RIMS2: variants seen among roughly 807,000 people sequenced by gnomAD.
RIMS2 encodes regulating synaptic membrane exocytosis 2, also known as regulating synaptic membrane exocytosis protein 2.
RIMS2 carries 59 observed loss-of-function variants against 174.4 expected under a neutral mutation model. That is an observed-to-expected ratio of 0.34 (90% confidence interval 0.27 to 0.42). The LOEUF (loss-of-function observed/expected upper bound fraction) is 0.42. Among genes scored for constraint, RIMS2 ranks in the 10% least tolerant of loss-of-function variants. RIMS2 has a pLI of 1.00. For missense variants in RIMS2, 1,620 were observed against 1,666.3 expected (o/e 0.97, Z 0.48); for synonymous variants, 606 against 572.5 (o/e 1.06, Z -0.84).
At chr8:104,162,278 A>G (rs1031255493) in intron 19 of RIMS2, among the ~76,000 whole-genome samples, 2 of 152,180 alleles carry the variant, frequency 1.3e-5, no homozygotes, top group African/African-American at 2.4e-5. Context: ...CTGGGAGTCA[A>G]TGCAAATAGA....
At chr8:104,029,791 T>C (rs1339769847) in intron 19 of RIMS2, among the ~76,000 whole-genome samples, 1 of 152,212 alleles carries the variant, frequency 6.6e-6, no homozygotes, top group Non-Finnish European at 1.5e-5. Context: ...GAAATAGCTT[T>C]TAAAAATGAT....
Position 103,697,546 on chromosome 8 carries a change from G to GAA in RIMS2, c.387+262_387+263dup, listed in dbSNP as rs35424647. On this transcript the variant is annotated intron_variant, in intron 2 of 23. Coordinates refer to ENST00000504942, the Ensembl canonical transcript of RIMS2. ...CAACATGGTGAAACCCTGTCTCTACGAAAAAAAAAAAAACAAAAAAAACCC... is the reference window on the plus strand; with the variant it reads ...CAACATGGTGAAACCCTGTCTCTACGAAAAAAAAAAAAAAACAAAAAAAACCC... Among the ~76,000 whole-genome samples, 99 of 131,662 alleles carry GAA rather than the reference G, an allele frequency of 7.5e-4. 2 individuals carry two copies. The highest frequency in any genetic ancestry group is 2.5e-3 in the East Asian group (12 of 4,766). 86.4% of individuals were successfully genotyped at this position (131,662 alleles called of 152,430 possible).
chr8:104,166,124 T>C (rs1204874432), intron 19 of RIMS2, among the ~76,000 whole-genome samples: 2 of 147,052 alleles, frequency 1.4e-5, no homozygotes, highest in Non-Finnish European at 3.0e-5. Context: ...TGGAGTGCAG[T>C]GGCGTGATCT....
intron 1 of RIMS2, among the ~76,000 whole-genome samples, chr8:103,614,811 G>T (rs1312289270): frequency 6.6e-6 from 1 of 152,192 alleles, no homozygotes; most frequent in Non-Finnish European, 1.5e-5. Flanking sequence ...GAAATTAACA[G>T]CTATGTCATA....
In RIMS2 at chr8:103,607,487, G is replaced by T. The variant is rs186223208; in HGVS notation, c.177-89599G>T. 3.9e-3 allele frequency among the ~76,000 whole-genome samples: 585 copies of T among 151,406 alleles called. 2 individuals are homozygous for T. Among genetic ancestry groups the T allele is most frequent in the Non-Finnish European group, 6.1e-3 (412 of 67,908 alleles). ...ATCTGACAATTGTGTTCTTGGAGTTGCTCTTCTTGAGGAGTATCTTTGTGT... is the reference window on the plus strand; with the variant it reads ...ATCTGACAATTGTGTTCTTGGAGTTTCTCTTCTTGAGGAGTATCTTTGTGT... On this transcript the variant is annotated intron_variant, in intron 1 of 23. Coordinates refer to ENST00000504942, the Ensembl canonical transcript of RIMS2.
intron 12 of RIMS2, among the ~76,000 whole-genome samples, chr8:103,933,163 G>A (rs1011124026): frequency 6.6e-5 from 10 of 152,084 alleles, no homozygotes; most frequent in African/African-American, 2.2e-4. Context: ...CGTGGTGGCA[G>A]GTGCCTATAG....
At chr8:103,860,231 G>T (rs1489097806) in intron 3 of RIMS2, among the ~76,000 whole-genome samples, 1 of 152,136 alleles carries the variant, frequency 6.6e-6, no homozygotes. Context: ...ATAAGGGAAT[G>T]GCGTGTTTTG....
chr8:103,727,106 T>C (rs2097536039), intron 2 of RIMS2, among the ~76,000 whole-genome samples: 1 of 152,106 alleles, frequency 6.6e-6, no homozygotes, highest in East Asian at 1.9e-4. Context: ...CTTATTTTTA[T>C]ATAGAAAGGA....
At chr8:103,704,560 T>C (rs1279123856) in intron 2 of RIMS2, among the ~76,000 whole-genome samples, 1 of 152,100 alleles carries the variant, frequency 6.6e-6, no homozygotes, top group African/African-American at 2.4e-5. Flanking sequence ...ATTCTTCTTT[T>C]AAATATTTGA....
chr8:103,832,398 T>G (rs1486262537), intron 3 of RIMS2, among the ~76,000 whole-genome samples: 1 of 152,212 alleles, frequency 6.6e-6, no homozygotes, highest in Non-Finnish European at 1.5e-5. Flanking sequence ...ACTTTTATTT[T>G]AAGTTCAGGG....
chr8:103,747,689 G>T (rs575848401), intron 2 of RIMS2, among the ~76,000 whole-genome samples: 1 of 152,240 alleles, frequency 6.6e-6, no homozygotes, highest in Admixed American at 6.5e-5. Context: ...TGTAGAATAT[G>T]AGAGAAAAAT....
chr8:104,024,685 T>C (rs1414290438), intron 19 of RIMS2, among the ~76,000 whole-genome samples: 5 of 151,856 alleles, frequency 3.3e-5, no homozygotes, highest in African/African-American at 1.2e-4. Context: ...TTTGGGGAGC[T>C]CCCAAGGGAA....
chr8:103,507,958 A>G (rs1049024999), intron 1 of RIMS2, among the ~76,000 whole-genome samples: 3 of 152,156 alleles, frequency 2.0e-5, no homozygotes, highest in African/African-American at 7.2e-5. Flanking sequence ...ATGAAAAAAT[A>G]CTGTAAAGGT....
intron 1 of RIMS2, among the ~76,000 whole-genome samples, chr8:103,555,874 C>T (rs1850227751): frequency 6.6e-6 from 1 of 151,218 alleles, no homozygotes; most frequent in Non-Finnish European, 1.5e-5. Flanking sequence ...AGAAGGAAAT[C>T]CTATCATATG....
chr8:103,722,789 T>C (rs1361799291), intron 2 of RIMS2, among the ~76,000 whole-genome samples: 1 of 152,176 alleles, frequency 6.6e-6, no homozygotes, highest in Non-Finnish European at 1.5e-5. Context: ...AGGGCCTTGA[T>C]TTAATCTGTC....
chr8:103,799,799 AT>A (rs1408264914), intron 3 of RIMS2, among the ~76,000 whole-genome samples: 2 of 151,898 alleles, frequency 1.3e-5, no homozygotes, highest in East Asian at 3.9e-4. Flanking sequence ...GCTCCACATC[AT>A]TTTTGTCTGT....
intron 19 of RIMS2, among the ~76,000 whole-genome samples, chr8:104,234,721 A>G (rs545883818): frequency 6.6e-6 from 1 of 152,306 alleles, no homozygotes; most frequent in East Asian, 1.9e-4. Context: ...ATTTCATCAT[A>G]AGGTCTTGTT....
At chr8:104,062,862 A>G (rs1165552482) in intron 19 of RIMS2, among the ~76,000 whole-genome samples, 1 of 152,080 alleles carries the variant, frequency 6.6e-6, no homozygotes, top group Non-Finnish European at 1.5e-5. Flanking sequence ...ATAAAATGTA[A>G]TAAGATAGTT....
intron 2 of RIMS2, among the ~76,000 whole-genome samples, chr8:103,720,806 G>A (rs1169876775): frequency 6.6e-6 from 1 of 152,152 alleles, no homozygotes; most frequent in Non-Finnish European, 1.5e-5. Flanking sequence ...GGCAGAGAGA[G>A]GCTACTGACT....
Sources: allele counts gnomAD v4.1 joint callset (sites outside exome capture counted in the v4.1 genomes callset), GRCh38; gene constraint gnomAD v4.1.1; transcripts MANE v1.5; gene names NCBI Gene and HGNC (gene_info 2026-07-23, HGNC 2026-07-21).